HNRNPD: variants seen among roughly 807,000 people sequenced by gnomAD.
HNRNPD encodes the protein heterogeneous nuclear ribonucleoprotein D.
In HNRNPD, 3 loss-of-function variants were observed where a neutral mutation model predicts 47.9. The observed-to-expected ratio is 0.06, with a 90% CI of 0.03 to 0.16. HNRNPD has a LOEUF of 0.16. Ranked by LOEUF, HNRNPD falls within the 10% of genes least tolerant of loss-of-function variation. HNRNPD has a pLI of 1.00. For missense variants in HNRNPD, 287 were observed against 454.2 expected, an observed-to-expected ratio of 0.63 and a Z score of 3.35; for synonymous variants, 171 against 165.1, an observed-to-expected ratio of 1.04 and a Z score of -0.28.
At chr4:82,361,420 ATTAAG>A (rs780121043) in intron 2 of HNRNPD, among the ~76,000 whole-genome samples, 2 of 152,216 alleles carry the variant, frequency 1.3e-5, no homozygotes, top group African/African-American at 2.4e-5. Flanking sequence ...AATAACTTCA[ATTAAG>A]TTGAGATTTA....
Position 82,373,938 on chromosome 4 carries a change from C to A in HNRNPD, c.-260G>T. On this transcript the variant is annotated 5_prime_UTR_variant, in exon 1 of 9. Transcript: ENST00000313899. ...AGAATAAGCACCAGCGGCGGCCGCT[C>A]TCGCCTCCTCCTCGCTTTAATGGCG... The A allele has an allele frequency of 7.5e-6, 6 of 796,404 alleles. No homozygotes were observed. Among genetic ancestry groups the A allele is most frequent in the Non-Finnish European group, 1.1e-5 (6 of 545,732 alleles). The allele number at this position is 796,404 out of a possible 1,614,324, so 49.3% of individuals were successfully genotyped here. A position where few individuals can be genotyped will look rare whatever the true frequency, so the allele number is the denominator to read the frequency against.
chr4:82,373,936 C>T lies in HNRNPD; in HGVS notation c.-258G>A. Reference sequence around the variant, plus strand: ...AAAGAATAAGCACCAGCGGCGGCCGCTCTCGCCTCCTCCTCGCTTTAATGG... The same window carrying T: ...AAAGAATAAGCACCAGCGGCGGCCGTTCTCGCCTCCTCCTCGCTTTAATGG... On this transcript the variant is annotated 5_prime_UTR_variant, in exon 1 of 9. Transcript: ENST00000313899. 1.2e-6 allele frequency: 1 copy of T among 802,616 alleles called. No individual in the cohort carries two copies. The highest frequency in any genetic ancestry group is 1.8e-6 in the Non-Finnish European group (1 of 551,086). The allele number at this position is 802,616 out of a possible 1,614,324, so 49.7% of individuals were successfully genotyped here. A position where few individuals can be genotyped will look rare whatever the true frequency, so the allele number is the denominator to read the frequency against.
chr4:82,358,618 C>T (rs1217769854), intron 4 of HNRNPD, 41 bp downstream of exon 4: 6 of 1,567,860 alleles, frequency 3.8e-6, no homozygotes. Flanking sequence ...CACATTCACA[C>T]TAATTTTGAC....
chr4:82,362,879 C>T (rs138501308), intron 2 of HNRNPD, among the ~76,000 whole-genome samples: 78 of 152,056 alleles, frequency 5.1e-4, no homozygotes, highest in Non-Finnish European at 9.0e-4. Flanking sequence ...GGATTACAGG[C>T]GGAAGCTACC....
chr4:82,367,226 C>T (rs556231434), intron 2 of HNRNPD, among the ~76,000 whole-genome samples: 1 of 152,220 alleles, frequency 6.6e-6, no homozygotes, highest in South Asian at 2.1e-4. Flanking sequence ...GCAATGACAT[C>T]TTGTATGTTT....
intron 7 of HNRNPD, 21 bp from the exon 8 acceptor site, chr4:82,355,422 G>A: frequency 6.3e-7 from 1 of 1,575,514 alleles, no homozygotes; most frequent in South Asian, 1.1e-5. Context: ...ACAAGTGTTA[G>A]AACCAGAACG....
intron 4 of HNRNPD, chr4:82,358,165 C>G (rs953503340): frequency 6.5e-6 from 1 of 152,796 alleles, no homozygotes; most frequent in Non-Finnish European, 1.5e-5. Context: ...CCAGGATGGT[C>G]TTCATCTCCT....
chr4:82,364,467 A>T (rs1202519092), intron 2 of HNRNPD, among the ~76,000 whole-genome samples: 2 of 152,224 alleles, frequency 1.3e-5, no homozygotes, highest in Admixed American at 6.5e-5. Flanking sequence ...CACTATAAGC[A>T]CTATCTAAAC....
chr4:82,370,981 T>TATACATATACACACAC (rs142474751), intron 2 of HNRNPD, among the ~76,000 whole-genome samples: 1 of 149,354 alleles, frequency 6.7e-6, no homozygotes, highest in Non-Finnish European at 1.5e-5. Flanking sequence ...GGTATATATA[T>TATACATATACACACAC]ACACACACAC....
At chr4:82,363,997 G>A (rs1271555335) in intron 2 of HNRNPD, among the ~76,000 whole-genome samples, 2 of 151,974 alleles carry the variant, frequency 1.3e-5, no homozygotes, top group Admixed American at 1.3e-4. Context: ...CTTTTTTTAA[G>A]ACAGGGTCTC....
At chr4:82,368,899 T>C (rs936510553) in intron 2 of HNRNPD, among the ~76,000 whole-genome samples, 1 of 152,212 alleles carries the variant, frequency 6.6e-6, no homozygotes, top group African/African-American at 2.4e-5. Flanking sequence ...TTCACAGAAT[T>C]CCCAAATGGG....
intron 2 of HNRNPD, among the ~76,000 whole-genome samples, chr4:82,359,912 A>T (rs1723888171): frequency 6.6e-6 from 1 of 152,182 alleles, no homozygotes; most frequent in South Asian, 2.1e-4. Context: ...AAAATACTGT[A>T]CATAAAAGTT....
chr4:82,358,491 C>T (rs1343497739), intron 4 of HNRNPD, 168 bp downstream of exon 4: 2 of 595,632 alleles, frequency 3.4e-6, no homozygotes, highest in Non-Finnish European at 2.9e-6. Flanking sequence ...ACACATTATC[C>T]AACCTTCAAA....
chr4:82,369,739 A>C (rs1029547145), intron 2 of HNRNPD, among the ~76,000 whole-genome samples: 1 of 152,224 alleles, frequency 6.6e-6, no homozygotes, highest in African/African-American at 2.4e-5. Context: ...ATTCAAAAAG[A>C]AAGCCTTAAC....
Position 82,356,790 on chromosome 4 carries a change from G to T in HNRNPD, c.853+6C>A. ...TAAGATAGAGTAAACTTAGGCTCTA[G>T]CTTACCACCACCTCTTCCACGAGCT... On this transcript the variant is annotated splice_donor_region_variant and intron_variant, in intron 6 of 8. Transcript: ENST00000313899. 7 of 1,612,850 alleles carry T rather than the reference G, an allele frequency of 4.3e-6. No homozygotes were observed. The highest frequency in any genetic ancestry group is 5.9e-6 in the Non-Finnish European group (7 of 1,178,826).
At chr4:82,360,635 T>C (rs1354535605) in intron 2 of HNRNPD, among the ~76,000 whole-genome samples, 1 of 152,066 alleles carries the variant, frequency 6.6e-6, no homozygotes, top group Non-Finnish European at 1.5e-5. Context: ...TTGCTCAACA[T>C]TTTCTCTTCT....
rs1317745334 is a variant in HNRNPD, at chr4:82,373,694, GCCGCTGCCGCCGAGACTACAC to G, written c.-37_-17del. 2 of 1,509,132 alleles carry G rather than the reference GCCGCTGCCGCCGAGACTACAC, an allele frequency of 1.3e-6. No individual in the cohort carries two copies. Among genetic ancestry groups the G allele is most frequent in the Non-Finnish European group, 1.8e-6 (2 of 1,135,176 alleles). 93.5% of individuals were successfully genotyped at this position (1,509,132 alleles called of 1,614,324 possible). On this transcript the variant is annotated 5_prime_UTR_variant, in exon 1 of 9. Coordinates refer to ENST00000313899, the MANE Select transcript of HNRNPD (RefSeq NM_031370.3). ...CCTCCGACATAGTGCTAGTGTCTCCGCCGCTGCCGCCGAGACTACACCCGCCGCTGCCGCGAACCGAAACTA... is the reference window on the plus strand; with the variant it reads ...CCTCCGACATAGTGCTAGTGTCTCCGCCGCCGCTGCCGCGAACCGAAACTA...
intron 2 of HNRNPD, among the ~76,000 whole-genome samples, chr4:82,365,952 G>A (rs1319853165): frequency 6.6e-6 from 1 of 151,700 alleles, no homozygotes; most frequent in Non-Finnish European, 1.5e-5. Context: ...ATTAAGGTTA[G>A]CCAATAACAA....
At chr4:82,355,052 T>C in intron 8 of HNRNPD, 1 of 472,492 alleles carries the variant, frequency 2.1e-6, no homozygotes, top group Admixed American at 3.8e-5. Context: ...CAATACTTTT[T>C]TGCTGCAATT....
Sources: allele counts gnomAD v4.1 joint callset (sites outside exome capture counted in the v4.1 genomes callset), GRCh38; gene constraint gnomAD v4.1.1; transcripts MANE v1.5; gene names NCBI Gene and HGNC (gene_info 2026-07-23, HGNC 2026-07-21).